The following COL21A1 variants were observed in gnomAD, a reference collection of about 807,000 sequenced individuals.
The protein encoded by COL21A1 is collagen alpha-1(XXI) chain.
Under a neutral mutation model 137.9 loss-of-function variants are expected in COL21A1, and 149 were observed. The ratio of observed to expected loss-of-function variants is 1.08; its 90% CI spans 0.95 to 1.24. The LOEUF is 1.24. COL21A1 is among the 50% of genes most tolerant of loss of function. COL21A1 has a pLI of 0.00. For missense variants in COL21A1, 1,167 were observed against 1,158.4 expected (o/e 1.01, Z -0.11); for synonymous variants, 456 against 391.5 (o/e 1.16, Z -1.95).
intron 1 of COL21A1, among the ~76,000 whole-genome samples, chr6:56,234,900 C>T (rs1047717621): frequency 1.6e-5 from 2 of 125,306 alleles, no homozygotes; most frequent in South Asian, 2.9e-4. Context: ...GATCACTGCC[C>T]CTCATCCAGA....
At chr6:56,305,784 T>C (rs529341785) in intron 1 of COL21A1, among the ~76,000 whole-genome samples, 1 of 151,714 alleles carries the variant, frequency 6.6e-6, no homozygotes, top group African/African-American at 2.4e-5. Flanking sequence ...ATTATGATGT[T>C]AGCTGGTTAT....
At chr6:56,238,744 C>T (rs986854429) in intron 1 of COL21A1, among the ~76,000 whole-genome samples, 1 of 152,114 alleles carries the variant, frequency 6.6e-6, no homozygotes, top group African/African-American at 2.4e-5. Flanking sequence ...TCTGGATTTG[C>T]CTCTGCTCCA....
At chr6:56,139,693 T>G (rs1774272925) in intron 12 of COL21A1, among the ~76,000 whole-genome samples, 1 of 152,180 alleles carries the variant, frequency 6.6e-6, no homozygotes, top group Non-Finnish European at 1.5e-5. Flanking sequence ...AAATATATAT[T>G]GGAGTTCCTT....
Position 56,059,203 on chromosome 6 carries a change from A to C in COL21A1, c.2648T>G (p.Phe883Cys). 3 of 1,610,478 alleles carry C rather than the reference A, an allele frequency of 1.9e-6. No homozygotes were observed. Among genetic ancestry groups the C allele is most frequent in the Non-Finnish European group, 2.5e-6 (3 of 1,178,852 alleles). ...AGGACCTTGTTCTCCAGGATACCCA[A>C]ACCCTTGGCTCCCTTTTTCCCCATT... ...GRNGEKGSQGFGYPGEQGPPG... is the reference protein window; with the variant it reads ...GRNGEKGSQGCGYPGEQGPPG... Residue 883 changes from phenylalanine (F) to cysteine (C), a missense_variant, in exon 29 of 30, where the codon TTT (phenylalanine) becomes TGT (cysteine). By Grantham distance (205) the Phe-to-Cys change is radical. Coordinates refer to ENST00000244728, the MANE Select transcript of COL21A1 (RefSeq NM_030820.4).
chr6:56,149,099 G>T (rs1372819618), intron 10 of COL21A1, among the ~76,000 whole-genome samples: 3 of 152,108 alleles, frequency 2.0e-5, no homozygotes, highest in Non-Finnish European at 4.4e-5. Context: ...AGACAAGTAA[G>T]ACCCATACAT....
intron 1 of COL21A1, among the ~76,000 whole-genome samples, chr6:56,195,694 A>T (rs1440273121): frequency 2.6e-5 from 4 of 152,130 alleles, no homozygotes; most frequent in Non-Finnish European, 5.9e-5. Flanking sequence ...TGAAATACAA[A>T]ATCCTAACAG....
chr6:56,191,368 C>T (rs1444968469), intron 1 of COL21A1, among the ~76,000 whole-genome samples: 6 of 150,436 alleles, frequency 4.0e-5, no homozygotes, highest in East Asian at 2.0e-4. Context: ...GGGCGGATCA[C>T]GAGGTCAGGA....
intron 2 of COL21A1, among the ~76,000 whole-genome samples, chr6:56,181,878 A>G (rs896114829): frequency 6.6e-6 from 1 of 152,234 alleles, no homozygotes; most frequent in Admixed American, 6.5e-5. Context: ...CAGTGATTGC[A>G]TGAATTAAAC....
intron 1 of COL21A1, among the ~76,000 whole-genome samples, chr6:56,208,992 A>T (rs1779977958): frequency 6.6e-6 from 1 of 152,182 alleles, no homozygotes; most frequent in Non-Finnish European, 1.5e-5. Context: ...CTGAAACTGG[A>T]TCCATTCCTT....
At chr6:56,126,382 C>T (rs61228535) in intron 12 of COL21A1, 4,778 of 420,804 alleles carry the variant, frequency 0.011, 217 homozygotes, top group African/African-American at 0.088. Context: ...ACTAGCAATC[C>T]TGACTCCACC....
intron 1 of COL21A1, among the ~76,000 whole-genome samples, chr6:56,306,556 T>C (rs1164230684): frequency 6.6e-6 from 1 of 152,232 alleles, no homozygotes; most frequent in Non-Finnish European, 1.5e-5. Flanking sequence ...ATCGTGTAGT[T>C]CTCGTGCCTT....
At chr6:56,092,237 A>T (rs1277959366) in intron 17 of COL21A1, among the ~76,000 whole-genome samples, 1 of 152,210 alleles carries the variant, frequency 6.6e-6, no homozygotes, top group Non-Finnish European at 1.5e-5. Flanking sequence ...TCATGGGAGA[A>T]CATAAAATAA....
At chr6:56,343,874 A>T (rs910422444) in intron 1 of COL21A1, among the ~76,000 whole-genome samples, 1 of 152,184 alleles carries the variant, frequency 6.6e-6, no homozygotes, top group East Asian at 1.9e-4. Context: ...TGAGCCCAGG[A>T]GGTCAAGGCT....
intron 5 of COL21A1, among the ~76,000 whole-genome samples, chr6:56,168,587 A>G (rs1364109447): frequency 6.6e-6 from 1 of 152,036 alleles, no homozygotes; most frequent in Admixed American, 6.6e-5. Context: ...CTGAATCCAA[A>G]TGGCTTCCCT....
At chr6:56,390,140 T>C (rs1454645718) in intron 1 of COL21A1, among the ~76,000 whole-genome samples, 1 of 151,754 alleles carries the variant, frequency 6.6e-6, no homozygotes. Context: ...AGATAGACAA[T>C]ATAAAAAGAT....
chr6:56,160,923 TACCCCTC>T (rs1045318876), intron 9 of COL21A1, among the ~76,000 whole-genome samples: 1 of 152,228 alleles, frequency 6.6e-6, no homozygotes, highest in African/African-American at 2.4e-5. Context: ...GCCTTCATGC[TACCCCTC>T]TGGTCTCCAC....
intron 1 of COL21A1, among the ~76,000 whole-genome samples, chr6:56,332,924 T>C (rs553251661): frequency 6.6e-6 from 1 of 152,238 alleles, no homozygotes; most frequent in Admixed American, 6.6e-5. Context: ...TAAGCAGATA[T>C]GTCTGGACAT....
intron 1 of COL21A1, among the ~76,000 whole-genome samples, chr6:56,329,184 A>G (rs9382619): frequency 0.043 from 6,589 of 152,226 alleles, 179 homozygotes; most frequent in East Asian, 0.093. Context: ...CACTATCATT[A>G]TTACATGACA....
intron 12 of COL21A1, among the ~76,000 whole-genome samples, chr6:56,132,875 T>C (rs12216314): frequency 0.15 from 22,787 of 152,078 alleles, 1,726 homozygotes; most frequent in Middle Eastern, 0.22. Context: ...CTGCTGCCAT[T>C]CATGTAAGAC....
Sources: allele counts gnomAD v4.1 joint callset (sites outside exome capture counted in the v4.1 genomes callset), GRCh38; gene constraint gnomAD v4.1.1; transcripts MANE v1.5; gene names NCBI Gene and HGNC (gene_info 2026-07-23, HGNC 2026-07-21).